RHPN2: variants seen among roughly 807,000 people sequenced by gnomAD.
The protein encoded by RHPN2 is rhophilin-2.
RHPN2 carries 40 observed loss-of-function variants against 79.0 expected under a neutral mutation model. The observed-to-expected ratio is 0.51, with a 90% CI of 0.39 to 0.66. RHPN2 has a LOEUF of 0.66. Among genes scored for constraint, RHPN2 ranks in the 30% least tolerant of loss-of-function variants. The pLI, the probability that RHPN2 is intolerant of heterozygous loss-of-function variation, is 0.00. For synonymous variants in RHPN2, 285 were observed against 363.5 expected (o/e 0.78, Z 2.46); for missense variants, 686 against 883.5 (o/e 0.78, Z 2.83).
intron 2 of RHPN2, among the ~76,000 whole-genome samples, chr19:33,041,730 G>A (rs776891968): frequency 1.5e-4 from 23 of 152,164 alleles, no homozygotes; most frequent in Non-Finnish European, 2.9e-4. Flanking sequence ...CAACCTCTAT[G>A]ATATTCAGAG....
At chr19:33,022,862 G>T (rs1370240265) in intron 3 of RHPN2, among the ~76,000 whole-genome samples, 1 of 152,118 alleles carries the variant, frequency 6.6e-6, no homozygotes, top group Non-Finnish European at 1.5e-5. Flanking sequence ...TCCCATCCGG[G>T]GGCATGGAAA....
intron 1 of RHPN2, among the ~76,000 whole-genome samples, chr19:33,056,939 C>G (rs565462742): frequency 6.2e-5 from 9 of 145,902 alleles, no homozygotes; most frequent in African/African-American, 2.0e-4. Context: ...GAAACCCCAT[C>G]TCTAATAAAA....
intron 1 of RHPN2, among the ~76,000 whole-genome samples, chr19:33,063,108 A>G (rs1317301221): frequency 6.6e-6 from 1 of 152,124 alleles, no homozygotes; most frequent in Non-Finnish European, 1.5e-5. Context: ...AGTGGCAGTC[A>G]GGCCCCGGGG....
chr19:33,046,585 C>A (rs1972144748), intron 1 of RHPN2, among the ~76,000 whole-genome samples: 1 of 152,030 alleles, frequency 6.6e-6, no homozygotes, highest in African/African-American at 2.4e-5. Context: ...ATGATTTATT[C>A]TATGTTTAAT....
intron 2 of RHPN2, among the ~76,000 whole-genome samples, chr19:33,029,367 A>G (rs73583817): frequency 0.05 from 7,546 of 151,806 alleles, 255 homozygotes; most frequent in South Asian, 0.11. Flanking sequence ...TCTACTAAAA[A>G]TGCAAAAAAT....
At chr19:32,987,294 C>CCCGA (rs1971619504) in intron 14 of RHPN2, among the ~76,000 whole-genome samples, 1 of 152,150 alleles carries the variant, frequency 6.6e-6, no homozygotes, top group Non-Finnish European at 1.5e-5. Context: ...AGCAGTCCCT[C>CCCGA]CCGACTCCCA....
At chr19:33,022,943 G>A (rs1165219134) in intron 3 of RHPN2, among the ~76,000 whole-genome samples, 3 of 152,176 alleles carry the variant, frequency 2.0e-5, no homozygotes, top group Non-Finnish European at 4.4e-5. Flanking sequence ...TCCAGGCAAT[G>A]AGAAGAGGAG....
At chr19:33,018,738 C>T in intron 4 of RHPN2, among the ~76,000 whole-genome samples, 1 of 152,132 alleles carries the variant, frequency 6.6e-6, no homozygotes, top group Non-Finnish European at 1.5e-5. Context: ...AAAGTATTAA[C>T]CAATTGCTTT....
chr19:33,029,947 C>T (rs552562405), intron 2 of RHPN2, among the ~76,000 whole-genome samples: 1 of 152,348 alleles, frequency 6.6e-6, no homozygotes, highest in South Asian at 2.1e-4. Context: ...AGCTCAGAGA[C>T]TCCGTGTCCA....
Position 33,008,067 on chromosome 19 carries a change from C to T in RHPN2, c.707G>A (p.Arg236Gln), listed in dbSNP as rs780179613. 9 of 1,613,536 alleles carry T rather than the reference C, an allele frequency of 5.6e-6. No homozygotes were observed. Among genetic ancestry groups the T allele is most frequent in the South Asian group, 3.3e-5 (3 of 91,058 alleles). ...LYTQIGTRCD[R>Q]QTQAGLESAI... is the part of the protein sequence containing the mutation. ...ACTCTCCAGCCCAGCCTGCGTCTGCCGATCACACCGGGTCCCAATCTGGGT... is the reference window on the plus strand; with the variant it reads ...ACTCTCCAGCCCAGCCTGCGTCTGCTGATCACACCGGGTCCCAATCTGGGT... The change falls in exon 7 of 15, where the codon CGG becomes CAG. Residue 236 changes from arginine to glutamine, a missense_variant. Transcript: ENST00000254260.
chr19:32,981,431 G>A (rs1971573530), intron 14 of RHPN2, among the ~76,000 whole-genome samples: 1 of 113,512 alleles, frequency 8.8e-6, no homozygotes, highest in Admixed American at 9.7e-5. Flanking sequence ...GGGGGGCGGG[G>A]GGAAGGGAAG....
intron 9 of RHPN2, among the ~76,000 whole-genome samples, chr19:33,000,846 G>A (rs77876006): frequency 4.6e-5 from 7 of 152,128 alleles, no homozygotes; most frequent in African/African-American, 1.7e-4. Context: ...ATCCATGACT[G>A]TACCATGGAG....
intron 7 of RHPN2, among the ~76,000 whole-genome samples, chr19:33,007,487 CATAAATAAATAAATAA>C (rs58950332): frequency 1.1e-4 from 17 of 148,202 alleles, no homozygotes; most frequent in East Asian, 7.9e-4. Context: ...AACTCCATCT[CATAAATAAATAAATAA>C]ATAAATAAAT....
Position 33,034,396 on chromosome 19 carries a change from G to C in RHPN2, c.186-7764C>G, listed in dbSNP as rs556724340. On this transcript the variant is annotated intron_variant, in intron 2 of 14. Transcript: ENST00000254260. ...CGAGGTGGGCAGATCACGAGGTCAG[G>C]AGATCAAGACCATCCTGGCTAACAC... Among the ~76,000 whole-genome samples, 19 of 151,838 alleles carry C rather than the reference G, an allele frequency of 1.3e-4. No individual in the cohort carries two copies. The East Asian group carries it at 3.7e-3, about 30-fold the overall frequency.
At chr19:33,002,610 AG>A (rs1267627168) in intron 8 of RHPN2, among the ~76,000 whole-genome samples, 1 of 152,124 alleles carries the variant, frequency 6.6e-6, no homozygotes, top group Non-Finnish European at 1.5e-5. Flanking sequence ...GCTGGTTTTT[AG>A]GTTAAGCTGC....
At chr19:33,036,752 G>A (rs1213102288) in intron 2 of RHPN2, among the ~76,000 whole-genome samples, 1 of 152,210 alleles carries the variant, frequency 6.6e-6, no homozygotes, top group East Asian at 1.9e-4. Context: ...CGGCCCGCTG[G>A]CCCCGGGCAG....
intron 14 of RHPN2, among the ~76,000 whole-genome samples, chr19:32,986,342 C>T (rs1971613046): frequency 6.6e-6 from 1 of 152,228 alleles, no homozygotes; most frequent in Admixed American, 6.5e-5. Flanking sequence ...TGTGGCTTGG[C>T]TCTTTTCTCT....
At chr19:33,028,876 C>T (rs535842030) in intron 2 of RHPN2, among the ~76,000 whole-genome samples, 5 of 152,240 alleles carry the variant, frequency 3.3e-5, no homozygotes, top group Admixed American at 6.6e-5. Flanking sequence ...TGGTGGCTCA[C>T]GTCTGTAATC....
rs148972847 is a variant in RHPN2 at position 33,011,605 on chromosome 19, G to A, written c.593+74C>T. 590 of 1,601,388 alleles carry A rather than the reference G, an allele frequency of 3.7e-4. 2 individuals carry two copies. In the African/African-American group the frequency reaches 6.6e-3, roughly 18 times the overall value. On this transcript the variant is annotated intron_variant, in intron 6 of 14. Coordinates refer to ENST00000254260, the MANE Select transcript of RHPN2 (RefSeq NM_033103.5). ...TGCACAGGGGCACCCGCAGAGGGGC[G>A]TCTGTGATGCTGAGGCTCCAAAATT...
Sources: allele counts gnomAD v4.1 joint callset (sites outside exome capture counted in the v4.1 genomes callset), GRCh38; gene constraint gnomAD v4.1.1; transcripts MANE v1.5; gene names NCBI Gene and HGNC (gene_info 2026-07-23, HGNC 2026-07-21).